ESRRG: variants seen among roughly 807,000 people sequenced by gnomAD.
The protein encoded by ESRRG is estrogen related receptor gamma, also known as estrogen-related receptor gamma.
ESRRG carries 13 observed loss-of-function variants against 44.0 expected under a neutral mutation model. That is an observed-to-expected ratio of 0.30 (90% CI 0.19 to 0.47). The LOEUF (loss-of-function observed/expected upper bound fraction) is 0.47. Ranked by LOEUF, ESRRG falls within the 20% of genes least tolerant of loss-of-function variation. The probability of loss-of-function intolerance (pLI) is 1.00; values close to 1 mark genes in which losing one functional copy is unlikely to be tolerated. For synonymous variants in ESRRG, 215 were observed against 214.6 expected (o/e 1.00, Z -0.02); for missense variants, 395 against 580.6 (o/e 0.68, Z 3.29).
At chr1:217,031,730 CATTCTCACG>C (rs2082091613) in intron 1 of ESRRG, among the ~76,000 whole-genome samples, 1 of 152,164 alleles carries the variant, frequency 6.6e-6, no homozygotes, top group Non-Finnish European at 1.5e-5. Context: ...TCCCCCATGC[CATTCTCACG>C]ATGATAAGTT....
chr1:216,905,341 C>T (rs1402633761), intron 2 of ESRRG, among the ~76,000 whole-genome samples: 1 of 152,064 alleles, frequency 6.6e-6, no homozygotes, highest in Non-Finnish European at 1.5e-5. Context: ...CCAGCTCATT[C>T]CCACCTCCAG....
chr1:216,853,210 C>T lies in ESRRG; in HGVS notation c.-14+86372G>A, dbSNP rs200225392. Among the ~76,000 whole-genome samples, 10 of 152,110 alleles carry T rather than the reference C, an allele frequency of 6.6e-5. No individual in the cohort carries two copies. In the East Asian group the frequency reaches 1.9e-3, roughly 29 times the overall value. ...CACTCTGTAGAGCAGTGCATATAGG[C>T]CAATTGGCTGACTGGTAGCAAAGAA... On this transcript the variant is annotated intron_variant, in intron 2 of 7. Coordinates refer to the ESRRG transcript ENST00000359162.
At chr1:216,541,365 C>T (rs2052662051) in intron 5 of ESRRG, among the ~76,000 whole-genome samples, 1 of 152,016 alleles carries the variant, frequency 6.6e-6, no homozygotes, top group Non-Finnish European at 1.5e-5. Context: ...GCTTTAATTA[C>T]ACCAAGAACT....
chr1:216,950,561 A>G (rs529925352), intron 1 of ESRRG, among the ~76,000 whole-genome samples: 34 of 152,264 alleles, frequency 2.2e-4, no homozygotes, highest in African/African-American at 8.2e-4. Context: ...ATAGTAGTGA[A>G]CTCTCAATTA....
chr1:216,628,240 T>C (rs2063522951), intron 3 of ESRRG, among the ~76,000 whole-genome samples: 2 of 152,208 alleles, frequency 1.3e-5, no homozygotes, highest in Admixed American at 1.3e-4. Flanking sequence ...CCAATCTTTA[T>C]TTATTTATTT....
intron 1 of ESRRG, among the ~76,000 whole-genome samples, chr1:217,114,782 G>A (rs1379848232): frequency 6.7e-6 from 1 of 149,088 alleles, no homozygotes; most frequent in Admixed American, 6.8e-5. Flanking sequence ...TCAGCCTCCC[G>A]AGTAGCTGGG....
intron 3 of ESRRG, among the ~76,000 whole-genome samples, chr1:216,574,207 C>T (rs2061309504): frequency 2.0e-5 from 3 of 152,120 alleles, no homozygotes; most frequent in Non-Finnish European, 2.9e-5. Context: ...ATTTTAATAG[C>T]TGGCATTACC....
At chr1:216,868,686 C>T (rs1237412586) in intron 2 of ESRRG, among the ~76,000 whole-genome samples, 1 of 152,114 alleles carries the variant, frequency 6.6e-6, no homozygotes, top group Non-Finnish European at 1.5e-5. Flanking sequence ...TTTCTATCAG[C>T]AATGTGTGCA....
intron 1 of ESRRG, among the ~76,000 whole-genome samples, chr1:217,112,229 G>C (rs535366239): frequency 6.6e-6 from 1 of 152,146 alleles, no homozygotes; most frequent in Admixed American, 6.6e-5. Context: ...CAAAGTTTTG[G>C]GGTGAGTTTT....
intron 3 of ESRRG, among the ~76,000 whole-genome samples, chr1:216,619,294 A>C (rs991649330): frequency 5.3e-5 from 8 of 152,222 alleles, no homozygotes; most frequent in African/African-American, 1.9e-4. Flanking sequence ...ATTAAATACA[A>C]AACAAAATGT....
chr1:216,955,179 C>A (rs544248487), intron 1 of ESRRG, among the ~76,000 whole-genome samples: 2 of 152,132 alleles, frequency 1.3e-5, no homozygotes, highest in East Asian at 1.9e-4. Context: ...TGTTAACCAA[C>A]CTCTCCCATC....
chr1:217,030,331 C>T (rs2081895965), intron 1 of ESRRG, among the ~76,000 whole-genome samples: 1 of 152,140 alleles, frequency 6.6e-6, no homozygotes, highest in Non-Finnish European at 1.5e-5. Flanking sequence ...CTGAGCCACG[C>T]ATGGGATAAA....
intron 1 of ESRRG, among the ~76,000 whole-genome samples, chr1:217,004,240 G>A (rs1001437810): frequency 6.6e-6 from 1 of 152,174 alleles, no homozygotes; most frequent in African/African-American, 2.4e-5. Context: ...ATTACTGACT[G>A]ATATGGTTTG....
chr1:217,019,667 T>C (rs2079985177), intron 1 of ESRRG, among the ~76,000 whole-genome samples: 1 of 152,212 alleles, frequency 6.6e-6, no homozygotes, highest in South Asian at 2.1e-4. Flanking sequence ...ACACTGAGCC[T>C]GTCATATTCG....
chr1:216,799,145 T>A (rs1255147877), intron 2 of ESRRG, among the ~76,000 whole-genome samples: 1 of 152,140 alleles, frequency 6.6e-6, no homozygotes, highest in Non-Finnish European at 1.5e-5. Context: ...TGTGACTTTA[T>A]CTTACTTAAC....
At position 216,891,794 on chromosome 1, in the gene ESRRG, C is replaced by CTTT. The variant is rs35043282; in HGVS notation, c.-14+47785_-14+47787dup. Among the ~76,000 whole-genome samples the CTTT allele has an allele frequency of 2.3e-3, 234 of 102,358 alleles. 4 individuals are homozygous for CTTT. The highest frequency in any genetic ancestry group is 6.9e-3 in the Middle Eastern group (1 of 144). 67.2% of individuals were successfully genotyped at this position (102,358 alleles called of 152,430 possible). On this transcript the variant is annotated intron_variant, in intron 2 of 7. Transcript: ENST00000359162. Reference sequence around the variant, plus strand: ...AAATATACTCTTAGTGTGGTGCCCGCTTTTTTTTTTTTTTTTTTTTTTTGA... The same window carrying CTTT: ...AAATATACTCTTAGTGTGGTGCCCGCTTTTTTTTTTTTTTTTTTTTTTTTTTGA...
At chr1:217,042,585 C>T (rs961399820) in intron 1 of ESRRG, among the ~76,000 whole-genome samples, 5 of 151,878 alleles carry the variant, frequency 3.3e-5, no homozygotes, top group African/African-American at 1.2e-4. Flanking sequence ...TCCCTAGCTC[C>T]CCACACTCCC....
At chr1:216,896,402 T>A (rs2058421902) in intron 2 of ESRRG, among the ~76,000 whole-genome samples, 1 of 152,170 alleles carries the variant, frequency 6.6e-6, no homozygotes, top group African/African-American at 2.4e-5. Flanking sequence ...GTAATCCCCT[T>A]TATAGGCTGA....
At chr1:217,135,452 G>A (rs576885306) in intron 1 of ESRRG, among the ~76,000 whole-genome samples, 2 of 152,238 alleles carry the variant, frequency 1.3e-5, no homozygotes, top group African/African-American at 4.8e-5. Flanking sequence ...GGGGGAGGAG[G>A]GACAAGAGAA....
Sources: gnomAD v4.1 joint callset for allele counts (sites outside exome capture counted in the v4.1 genomes callset) on GRCh38, gnomAD v4.1.1 for gene constraint, MANE v1.5 for transcripts, NCBI Gene and HGNC (gene_info 2026-07-23, HGNC 2026-07-21) for gene names.